DPP10: variants seen among roughly 807,000 people sequenced by gnomAD.
The protein encoded by DPP10 is inactive dipeptidyl peptidase 10.
DPP10 carries 33 observed loss-of-function variants against 120.9 expected under a neutral mutation model. The observed-to-expected ratio is 0.27, with a 90% CI of 0.21 to 0.37. The LOEUF (loss-of-function observed/expected upper bound fraction) is 0.37, where lower values mean the gene tolerates loss of function less well. DPP10 is among the 10% of genes least tolerant of loss of function. DPP10 has a pLI of 1.00. For missense variants in DPP10, 816 were observed against 942.8 expected, an observed-to-expected ratio of 0.87 and a Z score of 1.76; for synonymous variants, 337 against 326.1, an observed-to-expected ratio of 1.03 and a Z score of -0.36.
chr2:114,837,491 G>A (rs1036274584), intron 1 of DPP10, among the ~76,000 whole-genome samples: 2 of 152,044 alleles, frequency 1.3e-5, no homozygotes, highest in African/African-American at 2.4e-5. Context: ...TATTGAGTGA[G>A]TCCATGAATA....
chr2:114,709,067 T>A (rs1044116745), intron 1 of DPP10, among the ~76,000 whole-genome samples: 6 of 152,196 alleles, frequency 3.9e-5, no homozygotes, highest in African/African-American at 1.4e-4. Context: ...CATTGCTTAC[T>A]CTTTCACTGC....
chr2:114,594,267 G>C (rs961721027), intron 1 of DPP10, among the ~76,000 whole-genome samples: 4 of 151,936 alleles, frequency 2.6e-5, no homozygotes, highest in Non-Finnish European at 4.4e-5. Context: ...AAGTTTTTCA[G>C]TTTTGAGACT....
chr2:115,216,168 G>A (rs186257870), intron 1 of DPP10, among the ~76,000 whole-genome samples: 1 of 152,200 alleles, frequency 6.6e-6, no homozygotes, highest in Non-Finnish European at 1.5e-5. Context: ...GAGGATGGGA[G>A]GAAAGAGGGA....
chr2:115,399,343 T>C (rs537303027), intron 3 of DPP10, among the ~76,000 whole-genome samples: 26 of 152,316 alleles, frequency 1.7e-4, no homozygotes, highest in African/African-American at 6.0e-4. Flanking sequence ...CACACAATAA[T>C]AATAGTATAA....
intron 7 of DPP10, among the ~76,000 whole-genome samples, chr2:115,704,772 A>G (rs977827484): frequency 1.3e-5 from 2 of 152,002 alleles, no homozygotes; most frequent in African/African-American, 4.8e-5. Flanking sequence ...AATGATAATC[A>G]ACCATATATC....
At chr2:114,686,036 C>G (rs1044824224) in intron 1 of DPP10, among the ~76,000 whole-genome samples, 3 of 151,900 alleles carry the variant, frequency 2.0e-5, no homozygotes, top group Non-Finnish European at 4.4e-5. Flanking sequence ...CTTCCAGTTT[C>G]CAGTATAGGA....
chr2:114,828,233 C>T (rs1027869096), intron 1 of DPP10, among the ~76,000 whole-genome samples: 7 of 152,082 alleles, frequency 4.6e-5, no homozygotes, highest in Middle Eastern at 3.2e-3. Context: ...GAACACTCCC[C>T]GTCTCGTCTG....
At chr2:114,670,071 G>A (rs1698214475) in intron 1 of DPP10, among the ~76,000 whole-genome samples, 2 of 152,100 alleles carry the variant, frequency 1.3e-5, no homozygotes, top group Non-Finnish European at 2.9e-5. Flanking sequence ...CACTGTTGGT[G>A]GGACTGTAAA....
chr2:115,324,763 C>T (rs955110561), intron 2 of DPP10, among the ~76,000 whole-genome samples: 2 of 152,138 alleles, frequency 1.3e-5, no homozygotes, highest in Non-Finnish European at 2.9e-5. Context: ...AGCTTTCAGC[C>T]TACCTAAGCT....
In DPP10 at chr2:115,763,512, G is replaced by C. The variant is rs142982862; in HGVS notation, c.1113+902G>C. Among the ~76,000 whole-genome samples, 226 of 152,118 alleles carry C rather than the reference G, an allele frequency of 1.5e-3. 1 individual carries two copies. The highest frequency in any genetic ancestry group is 4.8e-3 in the African/African-American group (199 of 41,500). On this transcript the variant is annotated intron_variant, in intron 12 of 25. Coordinates refer to ENST00000410059, the MANE Select transcript of DPP10 (RefSeq NM_020868.6). ...AGATGTTAAAACTATTTACCTAATA[G>C]TCATCCTTGAATCTTTTCTCATTTT...
Position 114,633,570 on chromosome 2 carries a change from T to C in DPP10, c.60+190732T>C, listed in dbSNP as rs116565451. Reference sequence around the variant, plus strand: ...CACCTGGCCAGCTGGTTTTTCTTTTTATTACACTGAAGATCTAACTTTTTG... The same window carrying C: ...CACCTGGCCAGCTGGTTTTTCTTTTCATTACACTGAAGATCTAACTTTTTG... On this transcript the variant is annotated intron_variant, in intron 1 of 25. Coordinates refer to ENST00000410059, the MANE Select transcript of DPP10 (RefSeq NM_020868.6). Among the ~76,000 whole-genome samples the C allele has an allele frequency of 5.2e-3, 788 of 151,696 alleles. 16 individuals are homozygous for C. Among genetic ancestry groups the C allele is most frequent in the African/African-American group, 0.018 (738 of 41,158 alleles).
At chr2:115,050,192 T>G (rs2105339964) in intron 1 of DPP10, 1 of 152,294 alleles carries the variant, frequency 6.6e-6, no homozygotes, top group East Asian at 1.9e-4. Context: ...GGGAGACCAT[T>G]TGTTGAAGAA....
At chr2:115,411,120 C>T (rs1259829425) in intron 3 of DPP10, among the ~76,000 whole-genome samples, 1 of 152,080 alleles carries the variant, frequency 6.6e-6, no homozygotes, top group Non-Finnish European at 1.5e-5. Flanking sequence ...ATTATGAGAT[C>T]AGGGGTTCGA....
At chr2:115,415,839 TTTTA>T (rs1421581299) in intron 3 of DPP10, among the ~76,000 whole-genome samples, 62 of 43,528 alleles carry the variant, frequency 1.4e-3, no homozygotes, top group African/African-American at 4.1e-3. Context: ...CCTGATTTGC[TTTTA>T]TATATATATA....
chr2:115,155,069 T>TA (rs202108376), intron 1 of DPP10, among the ~76,000 whole-genome samples: 9 of 149,726 alleles, frequency 6.0e-5, no homozygotes, highest in East Asian at 2.0e-4. Flanking sequence ...TTTTATTTAT[T>TA]TTTTTTTTTT....
chr2:115,345,489 C>T (rs966938149), intron 3 of DPP10, among the ~76,000 whole-genome samples: 3 of 152,074 alleles, frequency 2.0e-5, no homozygotes, highest in Non-Finnish European at 4.4e-5. Flanking sequence ...AGAGAAATGA[C>T]AAAATGAAAG....
intron 1 of DPP10, among the ~76,000 whole-genome samples, chr2:114,595,914 G>A (rs919419860): frequency 7.2e-5 from 11 of 152,134 alleles, no homozygotes; most frequent in Admixed American, 4.6e-4. Flanking sequence ...AAGAGGAGAT[G>A]TAGTCAGTGA....
At chr2:115,067,386 G>C (rs887018106) in intron 1 of DPP10, among the ~76,000 whole-genome samples, 1 of 151,446 alleles carries the variant, frequency 6.6e-6, no homozygotes, top group Non-Finnish European at 1.5e-5. Context: ...CGAGTAGCTG[G>C]GACTACAGGC....
At chr2:114,492,647 A>G (rs1044659002) in intron 1 of DPP10, among the ~76,000 whole-genome samples, 11 of 152,178 alleles carry the variant, frequency 7.2e-5, no homozygotes, top group Admixed American at 3.3e-4. Context: ...ATAAAACTAA[A>G]AAGTTGTCTT....
Sources: allele counts gnomAD v4.1 joint callset (sites outside exome capture counted in the v4.1 genomes callset), GRCh38; gene constraint gnomAD v4.1.1; transcripts MANE v1.5; gene names NCBI Gene and HGNC (gene_info 2026-07-23, HGNC 2026-07-21).